Variants in GLB1L2 observed in about 807,000 individuals in gnomAD.
GLB1L2 encodes the protein galactosidase beta 1 like 2.
In GLB1L2, 68 loss-of-function variants were observed where a neutral mutation model predicts 84.1. The observed-to-expected ratio is 0.81, with a 90% CI of 0.67 to 0.99. The LOEUF (loss-of-function observed/expected upper bound fraction) is 0.99. Ranked by LOEUF, GLB1L2 falls within the 50% of genes least tolerant of loss-of-function variation. The pLI, the probability that GLB1L2 is intolerant of heterozygous loss-of-function variation, is 0.00. For synonymous variants in GLB1L2, 290 were observed against 318.0 expected (o/e 0.91, Z 0.94); for missense variants, 762 against 805.6 (o/e 0.95, Z 0.66).
At chr11:134,349,320 C>A (rs1007922073) in intron 5 of GLB1L2, among the ~76,000 whole-genome samples, 1 of 152,182 alleles carries the variant, frequency 6.6e-6, no homozygotes, top group Admixed American at 6.5e-5. Flanking sequence ...GTATATAACA[C>A]GTTTGTTTAT....
At chr11:134,374,919 C>T (rs1944005751) in intron 18 of GLB1L2, 53 bp from the exon 19 acceptor site, 1 of 1,557,754 alleles carries the variant, frequency 6.4e-7, no homozygotes, top group Non-Finnish European at 8.8e-7. Context: ...AGCACCTCCC[C>T]TGGCTCCAGG....
intron 2 of GLB1L2, among the ~76,000 whole-genome samples, chr11:134,343,383 C>T (rs1332884208): frequency 6.6e-6 from 1 of 152,168 alleles, no homozygotes; most frequent in African/African-American, 2.4e-5. Context: ...ATCCCAGCCT[C>T]TGCTGTGATG....
rs1422612627 is a variant in GLB1L2 at position 134,356,336 on chromosome 11, G to T, written c.594G>T (p.Val198=). 6.2e-7 allele frequency: 1 copy of T among 1,614,036 alleles called. No homozygotes were observed. The highest frequency in any genetic ancestry group is 1.3e-5 in the African/African-American group (1 of 74,996). ...GGGGACCTATCATTGCCGTGCAGGT[G>T]GAGAATGAATATGGTTCCTATAATA... is the stretch of plus-strand genomic sequence containing the variant. ...KRGGPIIAVQ[V]ENEYGSYNKD... Residue 198 remains valine (V), a synonymous_variant, in exon 6 of 19, where the codon GTG becomes GTT. Coordinates refer to ENST00000535456, the MANE Select transcript of GLB1L2 (RefSeq NM_001370461.1).
intron 5 of GLB1L2, among the ~76,000 whole-genome samples, chr11:134,351,739 A>C (rs1226132108): frequency 6.6e-6 from 1 of 152,182 alleles, no homozygotes; most frequent in Non-Finnish European, 1.5e-5. Flanking sequence ...ATGCTGCTGA[A>C]TTAAGTTGGC....
chr11:134,374,970 A>G lies in GLB1L2; in HGVS notation c.1825-2A>G. 3 of 1,612,724 alleles carry G rather than the reference A, an allele frequency of 1.9e-6. No individual in the cohort carries two copies. In the South Asian group the frequency reaches 3.3e-5, roughly 18 times the overall value. ...CCTCCCAGCCGGGCCCTCTCTCCAC[A>G]GGTCATCGTTTTTGAGGAGACGATG... On this transcript the variant is annotated splice_acceptor_variant, in intron 18 of 18. Transcript: ENST00000535456. LOFTEE classifies it high-confidence loss of function.
At chr11:134,366,702 G>A (rs1943870516) in intron 8 of GLB1L2, among the ~76,000 whole-genome samples, 1 of 152,180 alleles carries the variant, frequency 6.6e-6, no homozygotes, top group African/African-American at 2.4e-5. Flanking sequence ...CAAACTGTCA[G>A]TGCAGAACCT....
In GLB1L2 at chr11:134,370,934, AG is replaced by A; in HGVS notation, c.1216-73del. 1 of 1,558,632 alleles carries A rather than the reference AG, an allele frequency of 6.4e-7. No homozygotes were observed. On this transcript the variant is annotated intron_variant, in intron 12 of 18. Transcript: ENST00000535456. The surrounding 1 kb of genome is among the most constrained non-coding windows in gnomAD (Gnocchi z 4.7). ...AACCTCCGCTTCCACCCCATGTGCC[AG>A]CCCCCAGGCAGAGTCTGTCTGTGAC...
chr11:134,364,062 G>A (rs1943833425), intron 7 of GLB1L2, among the ~76,000 whole-genome samples: 1 of 152,102 alleles, frequency 6.6e-6, no homozygotes, highest in African/African-American at 2.4e-5. Flanking sequence ...GTGTATTTTA[G>A]TAGAGAGGGG....
rs1219251542 is a variant in GLB1L2 at position 134,338,009 on chromosome 11, G to A, written c.87-4745G>A. ...GGCAAGGACTTATGTTCTGGGAATC[G>A]AAGGACAATGATTGCAGTTCCTGAC... On this transcript the variant is annotated intron_variant, in intron 1 of 18. Transcript: ENST00000535456. The surrounding 1 kb of genome is among the most constrained non-coding windows in gnomAD (Gnocchi z 6.2). Among the ~76,000 whole-genome samples the A allele has an allele frequency of 3.3e-5, 5 of 152,176 alleles. No homozygotes were observed. Among genetic ancestry groups the A allele is most frequent in the East Asian group, 1.9e-4 (1 of 5,190 alleles).
rs1943565693 is a variant in GLB1L2 at position 134,347,309 on chromosome 11, C to T, written c.450-16C>T. The T allele has an allele frequency of 6.3e-7, 1 of 1,594,236 alleles. No individual in the cohort carries two copies. The highest frequency in any genetic ancestry group is 2.2e-5 in the East Asian group (1 of 44,776). On this transcript the variant is annotated splice_polypyrimidine_tract_variant and intron_variant, in intron 4 of 18. Coordinates refer to ENST00000535456, the MANE Select transcript of GLB1L2 (RefSeq NM_001370461.1). ...GTGACACTAACATCCTTCCTTTCCCCCGTTTACACTTCAAGCTGGCTACTC... is the reference window on the plus strand; with the variant it reads ...GTGACACTAACATCCTTCCTTTCCCTCGTTTACACTTCAAGCTGGCTACTC...
chr11:134,335,831 C>T (rs554850089), intron 1 of GLB1L2, among the ~76,000 whole-genome samples: 2 of 152,182 alleles, frequency 1.3e-5, no homozygotes, highest in Non-Finnish European at 2.9e-5. Context: ...GATGCTGTAG[C>T]TTGCGGAGAA....
In GLB1L2 at chr11:134,356,366, C is replaced by T; in HGVS notation, c.624C>T (p.Asp208=). 1 of 1,613,510 alleles carries T rather than the reference C, an allele frequency of 6.2e-7. No individual in the cohort carries two copies. The highest frequency in any genetic ancestry group is 1.1e-5 in the South Asian group (1 of 91,072). Reference sequence around the variant, plus strand: ...ATGAATATGGTTCCTATAATAAAGACCCCGCATACATGCCCTACGTCAAGA... The same window carrying T: ...ATGAATATGGTTCCTATAATAAAGATCCCGCATACATGCCCTACGTCAAGA... The part of the protein sequence containing the change: ...VENEYGSYNK[D]PAYMPYVKKA... The change falls in exon 6 of 19, where the codon GAC becomes GAT. Residue 208 remains aspartate (D), a synonymous_variant. Coordinates refer to ENST00000535456, the MANE Select transcript of GLB1L2 (RefSeq NM_001370461.1).
intron 5 of GLB1L2, among the ~76,000 whole-genome samples, chr11:134,349,144 ACTCT>A (rs1246553493): frequency 6.6e-6 from 1 of 151,820 alleles, no homozygotes; most frequent in Non-Finnish European, 1.5e-5. Flanking sequence ...CAGCCATTCT[ACTCT>A]CTGTCTCCAT....
chr11:134,371,601 C>G, intron 14 of GLB1L2, 109 bp downstream of exon 14: 1 of 1,000,882 alleles, frequency 1.0e-6, no homozygotes, highest in Non-Finnish European at 1.6e-6. Context: ...TACCCACAAG[C>G]TGTAGGTGGA....
chr11:134,374,011 T>C, intron 16 of GLB1L2, 134 bp from the exon 17 acceptor site: 1 of 756,274 alleles, frequency 1.3e-6, no homozygotes, highest in South Asian at 1.7e-5. Flanking sequence ...CCTACCGTGC[T>C]GCCATTCTGT....
intron 7 of GLB1L2, among the ~76,000 whole-genome samples, chr11:134,362,336 C>T (rs1288520641): frequency 2.4e-5 from 2 of 83,014 alleles, no homozygotes; most frequent in Non-Finnish European, 5.2e-5. Flanking sequence ...GCGCTGCCCG[C>T]GTTCCTTCCC....
intron 7 of GLB1L2, among the ~76,000 whole-genome samples, chr11:134,362,359 CGT>C (rs898812520): frequency 6.0e-5 from 9 of 149,628 alleles, no homozygotes; most frequent in African/African-American, 1.5e-4. Context: ...GCGCTGCCCG[CGT>C]GTTTTTCTGC....
chr11:134,352,795 C>T (rs1943651448), intron 5 of GLB1L2, among the ~76,000 whole-genome samples: 1 of 151,914 alleles, frequency 6.6e-6, no homozygotes, highest in South Asian at 2.1e-4. Flanking sequence ...TTACAGGTGC[C>T]CGTGACCACG....
chr11:134,340,092 C>CA (rs1336109532), intron 1 of GLB1L2, among the ~76,000 whole-genome samples: 1 of 152,196 alleles, frequency 6.6e-6, no homozygotes, highest in African/African-American at 2.4e-5. Context: ...ACCCTGCCTA[C>CA]ACCTCTGCAT....
Sources: gnomAD v4.1 joint callset for allele counts (sites outside exome capture counted in the v4.1 genomes callset) on GRCh38, gnomAD v4.1.1 for gene constraint, Gnocchi (gnomAD v3.1) non-coding constraint, MANE v1.5 for transcripts, NCBI Gene and HGNC (gene_info 2026-07-23, HGNC 2026-07-21) for gene names.